Variants in AGMO observed in about 807,000 individuals in gnomAD.
AGMO encodes glyceryl-ether monooxygenase.
AGMO carries 75 observed loss-of-function variants against 60.2 expected under a neutral mutation model. The ratio of observed to expected loss-of-function variants is 1.25; its 90% CI spans 1.03 to 1.51. The LOEUF is 1.51. Among genes scored for constraint, AGMO ranks in the 40% most tolerant of loss-of-function variants. The pLI, the probability that AGMO is intolerant of heterozygous loss-of-function variation, is 0.00. For synonymous variants in AGMO, 261 were observed against 177.1 expected (o/e 1.47, Z -3.76); for missense variants, 763 against 525.5 (o/e 1.45, Z -4.42).
intron 3 of AGMO, among the ~76,000 whole-genome samples, chr7:15,440,076 C>T (rs1781508171): frequency 6.6e-6 from 1 of 152,140 alleles, no homozygotes; most frequent in Admixed American, 6.5e-5. Context: ...GATCTCACTG[C>T]AAAAACAGAG....
intron 2 of AGMO, among the ~76,000 whole-genome samples, chr7:15,547,447 T>C (rs898941785): frequency 1.3e-5 from 2 of 151,724 alleles, no homozygotes; most frequent in East Asian, 1.9e-4. Flanking sequence ...TGGGCGCAGG[T>C]CAGTGGGTGC....
chr7:15,157,560 C>T, the AGMO span, among the ~76,000 whole-genome samples: 7 of 152,098 alleles, frequency 4.6e-5, no homozygotes, highest in Non-Finnish European at 7.3e-5. Flanking sequence ...CAGTGAACCC[C>T]GATCCCACAC....
Position 15,250,689 on chromosome 7 carries a change from C to G in AGMO, c.1264-49330G>C, listed in dbSNP as rs186565954. ...CAACCATGGCTCACGCCTGTAATCC[C>G]AGCACTTTGGGAAGCTGAGGCAGGT... On this transcript the variant is annotated intron_variant, in intron 12 of 12. Coordinates refer to ENST00000342526, the MANE Select transcript of AGMO (RefSeq NM_001004320.2). Among the ~76,000 whole-genome samples the G allele has an allele frequency of 2.7e-3, 412 of 152,214 alleles. 5 individuals are homozygous for G. Among genetic ancestry groups the G allele is most frequent in the Admixed American group, 0.024 (361 of 15,280 alleles).
At chr7:15,170,934 T>C in the AGMO span, among the ~76,000 whole-genome samples, 2 of 152,114 alleles carry the variant, frequency 1.3e-5, no homozygotes, top group African/African-American at 2.4e-5. Context: ...TTTGACTTAT[T>C]TTTTTCCTCA....
chr7:15,160,040 T>G, the AGMO span, among the ~76,000 whole-genome samples: 1 of 152,218 alleles, frequency 6.6e-6, no homozygotes, highest in Non-Finnish European at 1.5e-5. Context: ...ATATCACTTT[T>G]GCACTATATT....
At chr7:15,243,161 G>A (rs1303593821) in intron 12 of AGMO, among the ~76,000 whole-genome samples, 4 of 151,948 alleles carry the variant, frequency 2.6e-5, no homozygotes, top group Admixed American at 6.6e-5. Flanking sequence ...CAGTTCTCAA[G>A]GGATTGCTTT....
intron 3 of AGMO, among the ~76,000 whole-genome samples, chr7:15,463,829 C>T (rs970393174): frequency 6.6e-6 from 1 of 152,160 alleles, no homozygotes; most frequent in African/African-American, 2.4e-5. Flanking sequence ...TGTAGTACTG[C>T]TATGACCATT....
intron 12 of AGMO, among the ~76,000 whole-genome samples, chr7:15,339,598 T>A (rs755680412): frequency 2.2e-4 from 34 of 152,232 alleles, no homozygotes; most frequent in Admixed American, 4.6e-4. Context: ...CTGCATTTTA[T>A]GCAGAATGTC....
Position 15,287,841 on chromosome 7 carries a change from T to C in AGMO, c.1263+77673A>G, listed in dbSNP as rs570468259. Among the ~76,000 whole-genome samples, 3 of 152,270 alleles carry C rather than the reference T, an allele frequency of 2.0e-5. 1 individual carries two copies. Among genetic ancestry groups the C allele is most frequent in the East Asian group, 1.9e-4 (1 of 5,180 alleles). On this transcript the variant is annotated intron_variant, in intron 12 of 12. Coordinates refer to ENST00000342526, the MANE Select transcript of AGMO (RefSeq NM_001004320.2). ...GAATACATTACCAAATGTTTTTCAA[T>C]GTAAAAAGAATTTTCTCCAGAATTC...
chr7:15,349,391 A>C (rs1782150608), intron 12 of AGMO, among the ~76,000 whole-genome samples: 4 of 152,044 alleles, frequency 2.6e-5, no homozygotes, highest in Admixed American at 2.6e-4. Context: ...TTGATTATTC[A>C]TTTTTTTAGA....
chr7:15,364,684 T>C (rs1244986462), intron 12 of AGMO, among the ~76,000 whole-genome samples: 2 of 152,096 alleles, frequency 1.3e-5, no homozygotes, highest in Non-Finnish European at 2.9e-5. Context: ...GCAATTTTGA[T>C]AGATATCTCC....
the AGMO span, among the ~76,000 whole-genome samples, chr7:15,148,782 T>C: frequency 6.6e-6 from 1 of 152,294 alleles, no homozygotes; most frequent in East Asian, 1.9e-4. Context: ...AGGATTAACA[T>C]AGAAGTGCAT....
the AGMO span, among the ~76,000 whole-genome samples, chr7:15,134,241 C>A: frequency 6.6e-6 from 1 of 152,182 alleles, no homozygotes; most frequent in East Asian, 1.9e-4. Flanking sequence ...TGGCTCACTG[C>A]AACCTCCACC....
At chr7:15,515,637 G>A (rs1176732205) in intron 3 of AGMO, among the ~76,000 whole-genome samples, 1 of 152,178 alleles carries the variant, frequency 6.6e-6, no homozygotes, top group East Asian at 1.9e-4. Context: ...ACATTCCTGT[G>A]TCATGCTCCA....
At chr7:15,538,091 G>A (rs941483906) in intron 3 of AGMO, among the ~76,000 whole-genome samples, 35 of 152,038 alleles carry the variant, frequency 2.3e-4, no homozygotes, top group Non-Finnish European at 5.9e-5. Flanking sequence ...GGCTTCTCTC[G>A]TAGAGGTGCT....
chr7:15,452,447 A>G (rs112169597), intron 3 of AGMO, among the ~76,000 whole-genome samples: 3 of 152,332 alleles, frequency 2.0e-5, no homozygotes, highest in Admixed American at 6.5e-5. Context: ...AATTTATCCA[A>G]AGAAGATATA....
intron 3 of AGMO, among the ~76,000 whole-genome samples, chr7:15,539,534 T>A (rs529998935): frequency 4.6e-5 from 7 of 152,322 alleles, no homozygotes; most frequent in African/African-American, 1.7e-4. Flanking sequence ...CTTTATCCAG[T>A]CTACCATTGG....
At chr7:15,475,958 A>T (rs1238755147) in intron 3 of AGMO, among the ~76,000 whole-genome samples, 1 of 152,070 alleles carries the variant, frequency 6.6e-6, no homozygotes, top group Non-Finnish European at 1.5e-5. Context: ...ATGCTTCCAA[A>T]TCATGACGTA....
intron 8 of AGMO, among the ~76,000 whole-genome samples, chr7:15,388,596 T>C (rs538101320): frequency 6.6e-6 from 1 of 152,300 alleles, no homozygotes; most frequent in South Asian, 2.1e-4. Flanking sequence ...TTCACTTATT[T>C]ATTTCCCAAT....
Sources: allele counts gnomAD v4.1 joint callset (sites outside exome capture counted in the v4.1 genomes callset), GRCh38; gene constraint gnomAD v4.1.1; transcripts MANE v1.5; gene names NCBI Gene and HGNC (gene_info 2026-07-23, HGNC 2026-07-21).